Variants in BACH2 observed in about 807,000 individuals in gnomAD.
The protein encoded by BACH2 is BACH transcriptional regulator 2.
Under a neutral mutation model 61.8 loss-of-function variants are expected in BACH2, and 5 were observed. That is an observed-to-expected ratio of 0.08 (90% CI 0.04 to 0.17). The LOEUF is 0.17. Ranked by LOEUF, BACH2 falls within the 10% of genes least tolerant of loss-of-function variation. The pLI is 1.00. For synonymous variants in BACH2, 446 were observed against 440.1 expected, an observed-to-expected ratio of 1.01 and a Z score of -0.17; for missense variants, 824 against 1,091.1, an observed-to-expected ratio of 0.76 and a Z score of 3.45.
At chr6:90,239,462 A>G (rs1193969700) in intron 3 of BACH2, among the ~76,000 whole-genome samples, 1 of 152,218 alleles carries the variant, frequency 6.6e-6, no homozygotes, top group Admixed American at 6.5e-5. Context: ...AACCTGAGCC[A>G]GGTGCTGGCT....
chr6:89,945,456 C>T (rs530838102), intron 7 of BACH2, among the ~76,000 whole-genome samples: 139 of 152,310 alleles, frequency 9.1e-4, no homozygotes, highest in African/African-American at 3.3e-3. Context: ...ACACAGAAGG[C>T]CACATCTTGC....
chr6:90,060,200 G>A (rs1249901244), intron 5 of BACH2, among the ~76,000 whole-genome samples: 1 of 145,050 alleles, frequency 6.9e-6, no homozygotes, highest in African/African-American at 2.7e-5. Flanking sequence ...TAAAAAAAAA[G>A]AAAAATTCTG....
intron 6 of BACH2, among the ~76,000 whole-genome samples, chr6:90,000,259 G>A (rs989945641): frequency 1.3e-5 from 2 of 152,106 alleles, no homozygotes; most frequent in African/African-American, 4.8e-5. Flanking sequence ...ACATTTCAGG[G>A]CTAGCAGTCA....
At chr6:89,935,339 T>G (rs756969291) in intron 8 of BACH2, among the ~76,000 whole-genome samples, 2 of 152,176 alleles carry the variant, frequency 1.3e-5, no homozygotes, top group African/African-American at 4.8e-5. Flanking sequence ...AAATCTGCAA[T>G]GTGAGGGGCA....
At chr6:90,068,974 T>C (rs1258137875) in intron 5 of BACH2, among the ~76,000 whole-genome samples, 1 of 152,168 alleles carries the variant, frequency 6.6e-6, no homozygotes, top group Admixed American at 6.5e-5. Context: ...TAAAATACAA[T>C]TTCCTTTCTT....
intron 3 of BACH2, among the ~76,000 whole-genome samples, chr6:90,209,481 A>G (rs1207771119): frequency 6.6e-6 from 1 of 152,268 alleles, no homozygotes; most frequent in Non-Finnish European, 1.5e-5. Context: ...AACTTTATAC[A>G]TGCTGTTTCC....
intron 4 of BACH2, among the ~76,000 whole-genome samples, chr6:90,166,029 C>T (rs970055829): frequency 2.6e-5 from 4 of 151,986 alleles, no homozygotes; most frequent in African/African-American, 9.7e-5. Flanking sequence ...ACACCAAAAG[C>T]AATGGCAACA....
chr6:89,937,966 C>A (rs1196006434), intron 8 of BACH2, among the ~76,000 whole-genome samples, 178 bp downstream of exon 8: 1 of 152,188 alleles, frequency 6.6e-6, no homozygotes, highest in African/African-American at 2.4e-5. Context: ...CACACAAACA[C>A]ACACACACAC....
At chr6:89,982,153 G>A (rs1775991953) in intron 6 of BACH2, among the ~76,000 whole-genome samples, 1 of 152,018 alleles carries the variant, frequency 6.6e-6, no homozygotes. Flanking sequence ...TATTTCTTAA[G>A]GAAAGGTGAC....
chr6:90,135,010 G>A (rs962329045), intron 4 of BACH2, among the ~76,000 whole-genome samples: 2 of 152,236 alleles, frequency 1.3e-5, no homozygotes, highest in Middle Eastern at 3.4e-3. Flanking sequence ...TTATACTCCT[G>A]GAATAATTTT....
chr6:89,959,351 T>G (rs546033295), intron 6 of BACH2, among the ~76,000 whole-genome samples: 9 of 152,118 alleles, frequency 5.9e-5, no homozygotes. Context: ...CGAATCCCCA[T>G]GATAGAGAGT....
intron 4 of BACH2, among the ~76,000 whole-genome samples, chr6:90,115,161 GA>G (rs1436307537): frequency 6.6e-6 from 1 of 152,020 alleles, no homozygotes; most frequent in African/African-American, 2.4e-5. Flanking sequence ...CACAGAACTA[GA>G]AAAAATTATT....
Position 89,969,829 on chromosome 6 carries a change from C to T in BACH2, c.244-17967G>A, listed in dbSNP as rs150594797. 3.8e-3 allele frequency among the ~76,000 whole-genome samples: 575 copies of T among 152,232 alleles called. 5 individuals are homozygous for T. The highest frequency in any genetic ancestry group is 0.013 in the African/African-American group (554 of 41,540). ...GAAGAGGACACATATACCAGTCCTG[C>T]TGGAACTGCAGGATGGTGAGAAAAG... On this transcript the variant is annotated intron_variant, in intron 6 of 8. Transcript: ENST00000257749.
rs184513229 is a variant in BACH2, at chr6:90,185,538, A to T, written c.-162+21031T>A. Among the ~76,000 whole-genome samples, 65 of 152,316 alleles carry T rather than the reference A, an allele frequency of 4.3e-4. 1 individual carries two copies. The East Asian group carries it at 9.0e-3, about 21-fold the overall frequency. ...AACACGATCTTTTTGTGGTTGTGGG[A>T]TTATACATGATTTTTGTTTTTTCTT... On this transcript the variant is annotated intron_variant, in intron 4 of 8. Coordinates refer to ENST00000257749, the MANE Select transcript of BACH2 (RefSeq NM_021813.4).
chr6:90,123,774 A>C (rs1199844961), intron 4 of BACH2, among the ~76,000 whole-genome samples: 6 of 147,998 alleles, frequency 4.1e-5, no homozygotes, highest in African/African-American at 1.5e-4. Flanking sequence ...CGTCTCAAAA[A>C]AAAAAAAAAA....
chr6:90,125,084 AATAACAGTT>A (rs1171133523), intron 4 of BACH2, among the ~76,000 whole-genome samples: 3 of 152,236 alleles, frequency 2.0e-5, no homozygotes, highest in Non-Finnish European at 2.9e-5. Flanking sequence ...GGTTGTTTAA[AATAACAGTT>A]ATAAAAGAAT....
intron 4 of BACH2, among the ~76,000 whole-genome samples, chr6:90,184,381 A>G (rs896024012): frequency 6.6e-6 from 1 of 152,158 alleles, no homozygotes; most frequent in Non-Finnish European, 1.5e-5. Context: ...ACTTTTGGAG[A>G]AAAAAAGGTA....
At chr6:90,102,125 C>T (rs1395003161) in intron 4 of BACH2, among the ~76,000 whole-genome samples, 1 of 152,024 alleles carries the variant, frequency 6.6e-6, no homozygotes, top group African/African-American at 2.4e-5. Flanking sequence ...CACAAAAACC[C>T]ATGACTTAAA....
intron 5 of BACH2, among the ~76,000 whole-genome samples, chr6:90,035,832 C>T (rs191221633): frequency 1.3e-5 from 2 of 151,868 alleles, no homozygotes; most frequent in African/African-American, 4.8e-5. Context: ...TACTCAAGGT[C>T]GCAGAACCAT....
Sources: allele counts gnomAD v4.1 joint callset (sites outside exome capture counted in the v4.1 genomes callset), GRCh38; gene constraint gnomAD v4.1.1; transcripts MANE v1.5; gene names NCBI Gene and HGNC (gene_info 2026-07-23, HGNC 2026-07-21).